Variants in MAGI2 observed in about 807,000 individuals in gnomAD.
MAGI2 encodes membrane associated guanylate kinase, WW and PDZ domain containing 2, also known as membrane-associated guanylate kinase, WW and PDZ domain-containing protein 2.
In MAGI2, 35 loss-of-function variants were observed where a neutral mutation model predicts 133.3. The ratio of observed to expected loss-of-function variants is 0.26; its 90% CI spans 0.20 to 0.35. The LOEUF (loss-of-function observed/expected upper bound fraction) is 0.35, where lower values mean the gene tolerates loss of function less well. Among genes scored for constraint, MAGI2 ranks in the 10% least tolerant of loss-of-function variants. The probability of loss-of-function intolerance (pLI) is 1.00; values close to 1 mark genes in which losing one functional copy is unlikely to be tolerated. For missense variants in MAGI2, 1,636 were observed against 1,863.4 expected (o/e 0.88, Z 2.25); for synonymous variants, 729 against 710.6 (o/e 1.03, Z -0.41).
intron 1 of MAGI2, among the ~76,000 whole-genome samples, chr7:79,357,899 C>A (rs182977931): frequency 6.6e-6 from 1 of 152,178 alleles, no homozygotes; most frequent in Non-Finnish European, 1.5e-5. Flanking sequence ...AAAATACTTG[C>A]AAATCATAAA....
At chr7:79,391,538 GAC>G (rs1844644507) in intron 1 of MAGI2, among the ~76,000 whole-genome samples, 3 of 18,820 alleles carry the variant, frequency 1.6e-4, no homozygotes, top group Admixed American at 5.2e-4. Context: ...TATATATATA[GAC>G]ATATATATAT....
intron 6 of MAGI2, among the ~76,000 whole-genome samples, chr7:78,422,925 G>A (rs1259112777): frequency 6.6e-6 from 1 of 152,100 alleles, no homozygotes; most frequent in African/African-American, 2.4e-5. Context: ...TCCATGTTAA[G>A]CTTCCTTTAG....
At chr7:78,432,870 C>A (rs536027667) in intron 6 of MAGI2, among the ~76,000 whole-genome samples, 1 of 151,996 alleles carries the variant, frequency 6.6e-6, no homozygotes, top group South Asian at 2.1e-4. Flanking sequence ...ATGCTACTAG[C>A]CAGGGGGTAA....
chr7:78,589,658 C>T (rs1176513815), intron 3 of MAGI2, among the ~76,000 whole-genome samples: 2 of 152,064 alleles, frequency 1.3e-5, no homozygotes, highest in Non-Finnish European at 2.9e-5. Context: ...GCCAAAAGGC[C>T]GAGAAGCAAT....
At chr7:79,099,544 A>G (rs1464449055) in intron 1 of MAGI2, among the ~76,000 whole-genome samples, 3 of 152,174 alleles carry the variant, frequency 2.0e-5, no homozygotes, top group Non-Finnish European at 2.9e-5. Flanking sequence ...TGCTTGTCAT[A>G]AGGGATGGAT....
rs180876017 is a variant in MAGI2, at chr7:79,279,676, T to C, written c.301+173344A>G. 9.2e-5 allele frequency among the ~76,000 whole-genome samples: 14 copies of C among 152,216 alleles called. No homozygotes were observed. In the East Asian group the frequency reaches 2.7e-3, roughly 30 times the overall value. On this transcript the variant is annotated intron_variant, in intron 1 of 21. Transcript: ENST00000354212. ...AGAGCAAGACCCGATCTCAAAGAAG[T>C]GGATTATTTTGAACATTATTGTCCT...
At chr7:79,404,411 C>T (rs1179093640) in intron 1 of MAGI2, among the ~76,000 whole-genome samples, 1 of 152,130 alleles carries the variant, frequency 6.6e-6, no homozygotes, top group Non-Finnish European at 1.5e-5. Flanking sequence ...TCATAGGTCA[C>T]TGCAGCCTTG....
At chr7:78,090,473 G>T (rs1289257530) in intron 20 of MAGI2, among the ~76,000 whole-genome samples, 1 of 152,086 alleles carries the variant, frequency 6.6e-6, no homozygotes, top group Non-Finnish European at 1.5e-5. Context: ...GGAGGTGAGG[G>T]TGTATGGGAG....
intron 1 of MAGI2, among the ~76,000 whole-genome samples, chr7:79,197,797 A>G (rs796686169): frequency 1.6e-4 from 25 of 152,108 alleles, no homozygotes; most frequent in African/African-American, 6.0e-4. Context: ...CTGCATCCTC[A>G]CATAGCAGAA....
chr7:78,722,374 G>A (rs1302941331), intron 2 of MAGI2, among the ~76,000 whole-genome samples: 1 of 151,954 alleles, frequency 6.6e-6, no homozygotes, highest in Non-Finnish European at 1.5e-5. Context: ...ATTTCTGCAT[G>A]GGAACATGTT....
At chr7:78,937,829 T>C (rs1800634072) in intron 2 of MAGI2, among the ~76,000 whole-genome samples, 1 of 152,066 alleles carries the variant, frequency 6.6e-6, no homozygotes, top group Non-Finnish European at 1.5e-5. Flanking sequence ...AAATGGGAGC[T>C]AGTAAAAGGA....
At chr7:79,169,610 A>C (rs1389877195) in intron 1 of MAGI2, among the ~76,000 whole-genome samples, 1 of 152,104 alleles carries the variant, frequency 6.6e-6, no homozygotes, top group Admixed American at 6.6e-5. Flanking sequence ...TGCCTTGCTG[A>C]GGTATCTCTA....
intron 1 of MAGI2, among the ~76,000 whole-genome samples, chr7:79,333,406 G>A (rs1371411877): frequency 1.3e-5 from 2 of 152,108 alleles, no homozygotes; most frequent in African/African-American, 4.8e-5. Context: ...GATTACAGGC[G>A]TGAGCCACCG....
intron 1 of MAGI2, among the ~76,000 whole-genome samples, chr7:79,207,390 T>C (rs1829143345): frequency 6.6e-6 from 1 of 151,996 alleles, no homozygotes; most frequent in African/African-American, 2.4e-5. Flanking sequence ...ACAATATTAA[T>C]ATTTAAAAAT....
intron 3 of MAGI2, among the ~76,000 whole-genome samples, chr7:78,622,636 G>A (rs146384503): frequency 1.9e-4 from 29 of 152,098 alleles, no homozygotes; most frequent in African/African-American, 6.3e-4. Context: ...AACACATTAA[G>A]TGGTAGCCCT....
At chr7:78,549,675 T>C (rs764584911) in intron 3 of MAGI2, among the ~76,000 whole-genome samples, 9 of 152,174 alleles carry the variant, frequency 5.9e-5, no homozygotes, top group African/African-American at 1.2e-4. Context: ...TTGTTACTGA[T>C]GTGACACATA....
At chr7:78,555,223 CAGATAGAT>C (rs71085539) in intron 3 of MAGI2, among the ~76,000 whole-genome samples, 2 of 135,966 alleles carry the variant, frequency 1.5e-5, no homozygotes, top group African/African-American at 6.5e-5. Context: ...GATAGATAGA[CAGATAGAT>C]AGATAGATAG....
intron 2 of MAGI2, among the ~76,000 whole-genome samples, chr7:78,969,953 A>C (rs1468255815): frequency 1.3e-5 from 2 of 152,010 alleles, no homozygotes; most frequent in African/African-American, 4.8e-5. Flanking sequence ...TGAGGCATGG[A>C]GATATTATAA....
chr7:79,013,557 C>G (rs890275094), intron 1 of MAGI2, among the ~76,000 whole-genome samples: 1 of 152,132 alleles, frequency 6.6e-6, no homozygotes, highest in Admixed American at 6.6e-5. Flanking sequence ...GCTTGGCTCA[C>G]CTCAAAAATG....
Sources: gnomAD v4.1 joint callset for allele counts (sites outside exome capture counted in the v4.1 genomes callset) on GRCh38, gnomAD v4.1.1 for gene constraint, MANE v1.5 for transcripts, NCBI Gene and HGNC (gene_info 2026-07-23, HGNC 2026-07-21) for gene names.